Variants in DLG1 observed in about 807,000 individuals in gnomAD.
DLG1 encodes discs large MAGUK scaffold protein 1.
DLG1 carries 42 observed loss-of-function variants against 123.4 expected under a neutral mutation model. The ratio of observed to expected loss-of-function variants is 0.34; its 90% CI spans 0.27 to 0.44. DLG1 has a LOEUF of 0.44. Among genes scored for constraint, DLG1 ranks in the 20% least tolerant of loss-of-function variants. DLG1 has a pLI of 1.00. For synonymous variants in DLG1, 317 were observed against 356.2 expected, an observed-to-expected ratio of 0.89 and a Z score of 1.24; for missense variants, 942 against 1,082.6, an observed-to-expected ratio of 0.87 and a Z score of 1.82.
chr3:197,080,914 C>A, intron 17 of DLG1, 137 bp downstream of exon 17: 1 of 651,554 alleles, frequency 1.5e-6, no homozygotes, highest in Admixed American at 3.6e-5. Context: ...TTGAATTTAA[C>A]AAATGCTTAA....
rs958632749 is a variant in DLG1, at chr3:197,195,583, T to C, written c.319-994A>G. On this transcript the variant is annotated intron_variant, in intron 4 of 24. Coordinates refer to ENST00000667157, the MANE Select transcript of DLG1 (RefSeq NM_001366207.1). Reference sequence around the variant, plus strand: ...TTAAATCATGTCCTCTGTGGCAACATGGATACAACTGGAGGCCATTATTCT... The same window carrying C: ...TTAAATCATGTCCTCTGTGGCAACACGGATACAACTGGAGGCCATTATTCT... 2.6e-5 allele frequency among the ~76,000 whole-genome samples: 4 copies of C among 152,200 alleles called. No individual in the cohort carries two copies. The East Asian group carries it at 7.7e-4, about 29-fold the overall frequency.
chr3:197,241,621 C>T (rs1171713718), intron 4 of DLG1, among the ~76,000 whole-genome samples: 1 of 152,140 alleles, frequency 6.6e-6, no homozygotes, highest in Non-Finnish European at 1.5e-5. Flanking sequence ...GTTACAACAA[C>T]CTGTTAAGTG....
chr3:197,295,517 G>C (rs1282643503), intron 3 of DLG1, among the ~76,000 whole-genome samples: 1 of 151,862 alleles, frequency 6.6e-6, no homozygotes, highest in Non-Finnish European at 1.5e-5. Context: ...AATTGGAAGA[G>C]ACAAACTTTC....
At chr3:197,266,435 C>T (rs995076906) in intron 4 of DLG1, among the ~76,000 whole-genome samples, 2 of 151,808 alleles carry the variant, frequency 1.3e-5, no homozygotes, top group Non-Finnish European at 2.9e-5. Flanking sequence ...AGCAAGACCC[C>T]ATCTCTGCCA....
intron 5 of DLG1, among the ~76,000 whole-genome samples, chr3:197,163,205 A>C (rs1799540371): frequency 6.6e-6 from 1 of 152,208 alleles, no homozygotes; most frequent in Non-Finnish European, 1.5e-5. Flanking sequence ...AAAACAAAGT[A>C]ACAAGTGGTG....
At chr3:197,144,279 C>G (rs1227983734) in intron 6 of DLG1, among the ~76,000 whole-genome samples, 2 of 152,112 alleles carry the variant, frequency 1.3e-5, no homozygotes, top group Non-Finnish European at 2.9e-5. Flanking sequence ...AATATATTTT[C>G]TTTAGAACCC....
chr3:197,288,741 A>ACTACATACAT, intron 3 of DLG1, among the ~76,000 whole-genome samples: 1 of 63,436 alleles, frequency 1.6e-5, no homozygotes, highest in South Asian at 5.5e-4. Context: ...AAAAAAAAAA[A>ACTACATACAT]AAATACATAC....
At chr3:197,193,586 G>C (rs1392469013) in intron 5 of DLG1, among the ~76,000 whole-genome samples, 4 of 152,122 alleles carry the variant, frequency 2.6e-5, no homozygotes. Context: ...CTCTAAAGCA[G>C]TGAAATTTAT....
chr3:197,085,273 T>C, intron 16 of DLG1: 1 of 356,772 alleles, frequency 2.8e-6, no homozygotes, highest in Admixed American at 4.4e-5. Context: ...TACAGTACTA[T>C]TACCTGTAGT....
chr3:197,274,196 C>A (rs995219930), intron 4 of DLG1, among the ~76,000 whole-genome samples: 1 of 152,042 alleles, frequency 6.6e-6, no homozygotes, highest in Non-Finnish European at 1.5e-5. Context: ...ATTACCTGAC[C>A]TACTACAAAG....
intron 4 of DLG1, among the ~76,000 whole-genome samples, chr3:197,252,467 T>G (rs1754916655): frequency 6.6e-6 from 1 of 152,134 alleles, no homozygotes; most frequent in South Asian, 2.1e-4. Context: ...TGATGCTGAG[T>G]GAACCAAGCC....
chr3:197,197,237 G>C (rs1184950984), intron 4 of DLG1, among the ~76,000 whole-genome samples: 1 of 152,088 alleles, frequency 6.6e-6, no homozygotes, highest in African/African-American at 2.4e-5. Flanking sequence ...TTAATCTCAC[G>C]TTCAGTCCTT....
chr3:197,045,684 C>T (rs193122119), intron 24 of DLG1, among the ~76,000 whole-genome samples: 1 of 152,060 alleles, frequency 6.6e-6, no homozygotes, highest in Admixed American at 6.6e-5. Context: ...TTCACAACTG[C>T]AGTGAGCTAT....
intron 4 of DLG1, among the ~76,000 whole-genome samples, chr3:197,214,235 C>G (rs962565931): frequency 1.3e-5 from 2 of 151,960 alleles, no homozygotes; most frequent in African/African-American, 4.8e-5. Context: ...AAAGAACTGA[C>G]CCAAACACTT....
chr3:197,119,325 A>G (rs1202622113), intron 12 of DLG1, 85 bp downstream of exon 12: 3 of 1,238,348 alleles, frequency 2.4e-6, no homozygotes, highest in Non-Finnish European at 3.2e-6. Flanking sequence ...TTTAGTCCTA[A>G]AAATTGTGGC....
intron 13 of DLG1, among the ~76,000 whole-genome samples, chr3:197,115,008 AAAGG>A (rs1169869433): frequency 7.5e-6 from 1 of 133,330 alleles, no homozygotes; most frequent in African/African-American, 2.6e-5. Flanking sequence ...AAAAAAAAAA[AAAGG>A]GAAATTTTCT....
At chr3:197,113,916 G>C (rs1314876042) in intron 13 of DLG1, among the ~76,000 whole-genome samples, 1 of 152,134 alleles carries the variant, frequency 6.6e-6, no homozygotes, top group East Asian at 1.9e-4. Flanking sequence ...CCGTAAGTTT[G>C]AGGCTATAAT....
chr3:197,044,363 C>T lies in DLG1; in HGVS notation c.*260G>A, dbSNP rs570904674. 7.7e-5 allele frequency: 23 copies of T among 298,616 alleles called. 1 individual carries two copies. In the South Asian group the frequency reaches 2.2e-3, roughly 28 times the overall value. 18.5% of individuals were successfully genotyped at this position (298,616 alleles called of 1,614,324 possible). On this transcript the variant is annotated 3_prime_UTR_variant, in exon 25 of 25. Coordinates refer to ENST00000667157, the MANE Select transcript of DLG1 (RefSeq NM_001366207.1). ...TTAAGGAATTTTACCACAATTTCTG[C>T]GTCTCCCCACGTTCTTAATAGCTGG... is the stretch of plus-strand genomic sequence containing the variant.
Position 197,116,865 on chromosome 3 carries a change from C to A in DLG1, c.1287-782G>T, listed in dbSNP as rs145591856. Among the ~76,000 whole-genome samples the A allele has an allele frequency of 3.9e-3, 595 of 152,246 alleles. 3 individuals carry two copies. Among genetic ancestry groups the A allele is most frequent in the African/African-American group, 0.013 (559 of 41,554 alleles). ...TTTATATGAAATAATTAAAACCTAT[C>A]TGCAGGGGCACAGGTAGGTTTTATC... On this transcript the variant is annotated intron_variant, in intron 12 of 24. Coordinates refer to ENST00000667157, the MANE Select transcript of DLG1 (RefSeq NM_001366207.1).
Sources: allele counts gnomAD v4.1 joint callset (sites outside exome capture counted in the v4.1 genomes callset), GRCh38; gene constraint gnomAD v4.1.1; transcripts MANE v1.5; gene names NCBI Gene and HGNC (gene_info 2026-07-23, HGNC 2026-07-21).